MCF2L: variants seen among roughly 807,000 people sequenced by gnomAD.
MCF2L encodes MCF.2 cell line derived transforming sequence like, also known as guanine nucleotide exchange factor DBS.
In MCF2L, 97 loss-of-function variants were observed where a neutral mutation model predicts 153.4. The observed-to-expected ratio is 0.63, with a 90% CI of 0.54 to 0.75. MCF2L has a LOEUF of 0.75. MCF2L is among the 30% of genes least tolerant of loss of function. MCF2L has a pLI of 0.00. For missense variants in MCF2L, 1,347 were observed against 1,495.2 expected, an observed-to-expected ratio of 0.90 and a Z score of 1.64; for synonymous variants, 659 against 632.2, an observed-to-expected ratio of 1.04 and a Z score of -0.64.
In MCF2L at chr13:112,983,234, A is replaced by C. The variant is rs2082504685; in HGVS notation, c.79+13776A>C. 6.6e-6 allele frequency among the ~76,000 whole-genome samples: 1 copy of C among 152,046 alleles called. No homozygotes were observed. The highest frequency in any genetic ancestry group is 1.9e-4 in the East Asian group (1 of 5,184). On this transcript the variant is annotated intron_variant, in intron 1 of 29. Coordinates refer to ENST00000535094, the MANE Select transcript of MCF2L (RefSeq NM_001112732.3). The surrounding 1 kb of genome is among the most constrained non-coding windows in gnomAD (Gnocchi z 4.0). ...GCAGGTTCATGGCAGCTGGGTAGGG[A>C]CGGGAAGCTCCAGTAAGATTCACCA...
chr13:113,053,078 G>A lies in MCF2L; in HGVS notation c.370-7515G>A, dbSNP rs1225835841. 3.3e-5 allele frequency among the ~76,000 whole-genome samples: 5 copies of A among 152,072 alleles called. No individual in the cohort carries two copies. Among genetic ancestry groups the A allele is most frequent in the Non-Finnish European group, 5.9e-5 (4 of 68,010 alleles). On this transcript the variant is annotated intron_variant, in intron 4 of 29. Coordinates refer to ENST00000535094, the MANE Select transcript of MCF2L (RefSeq NM_001112732.3). The surrounding 1 kb of genome is among the most constrained non-coding windows in gnomAD (Gnocchi z 4.4). ...GCTGGTGAGAGCCGGCTCTGCCATC[G>A]TGTCAGTTCATCCCGGATTGCTGAC...
chr13:112,979,786 G>A, intron 1 of MCF2L: 1 of 1,595,434 alleles, frequency 6.3e-7, no homozygotes, highest in Non-Finnish European at 8.5e-7. Flanking sequence ...CGCAGGGCAT[G>A]GGGGCAGGTG....
At chr13:113,030,802 G>C (rs1401602767) in intron 3 of MCF2L, among the ~76,000 whole-genome samples, 1 of 152,232 alleles carries the variant, frequency 6.6e-6, no homozygotes, top group Non-Finnish European at 1.5e-5. Context: ...GCAGATTCCA[G>C]ACCCTGTATG....
intron 1 of MCF2L, among the ~76,000 whole-genome samples, chr13:112,974,271 CTA>C (rs1179852883): frequency 6.6e-6 from 1 of 152,182 alleles, no homozygotes; most frequent in African/African-American, 2.4e-5. Context: ...CCGGGCATGG[CTA>C]ACCTCTGAGT....
At chr13:112,895,704 A>G (rs1364682606) in intron 1 of MCF2L, among the ~76,000 whole-genome samples, 3 of 152,068 alleles carry the variant, frequency 2.0e-5, no homozygotes, top group African/African-American at 7.2e-5. Context: ...GGGCAAGCTG[A>G]CAGCTAGGTG....
At chr13:112,926,551 GCT>G (rs1033289128) in intron 2 of MCF2L, among the ~76,000 whole-genome samples, 4 of 144,120 alleles carry the variant, frequency 2.8e-5, no homozygotes, top group Non-Finnish European at 6.2e-5. Flanking sequence ...ACAGGGGGGT[GCT>G]GTGCCACCTG....
intron 2 of MCF2L, among the ~76,000 whole-genome samples, chr13:112,913,912 G>A (rs1405137183): frequency 2.0e-5 from 3 of 152,148 alleles, no homozygotes; most frequent in Non-Finnish European, 2.9e-5. Flanking sequence ...ACAGGCAGAC[G>A]TTGGGACTAT....
intron 1 of MCF2L, chr13:112,979,601 T>A (rs2082330545): frequency 6.2e-7 from 1 of 1,604,610 alleles, no homozygotes; most frequent in Non-Finnish European, 8.5e-7. Context: ...GGGGGTCGCC[T>A]GTGGTCCCTG....
At chr13:113,011,900 C>T (rs1483772104) in intron 1 of MCF2L, among the ~76,000 whole-genome samples, 3 of 111,096 alleles carry the variant, frequency 2.7e-5, no homozygotes, top group South Asian at 8.6e-4. Flanking sequence ...GCGGTGTGGA[C>T]GGTGGACACT....
rs533815656 is a variant in MCF2L, at chr13:113,076,915, C to A, written c.1501-137C>A. ...TAGTGGCCAGGGCTGGACACAGCTG[C>A]GCTGCGCTGACAGACCCCGCATGGA... On this transcript the variant is annotated intron_variant, in intron 12 of 29. Transcript: ENST00000535094. 3 of 962,176 alleles carry A rather than the reference C, an allele frequency of 3.1e-6. No homozygotes were observed. The East Asian group carries it at 8.0e-5, about 26-fold the overall frequency. 59.6% of individuals were successfully genotyped at this position (962,176 alleles called of 1,614,324 possible).
chr13:112,982,029 G>A (rs1213660056), intron 1 of MCF2L, among the ~76,000 whole-genome samples: 1 of 152,218 alleles, frequency 6.6e-6, no homozygotes, highest in Non-Finnish European at 1.5e-5. Flanking sequence ...TGGACCTGAA[G>A]GTTGTGGGAA....
At chr13:112,915,791 G>C (rs1476431396) in intron 2 of MCF2L, among the ~76,000 whole-genome samples, 1 of 152,134 alleles carries the variant, frequency 6.6e-6, no homozygotes, top group Admixed American at 6.5e-5. Context: ...TAGTAGTAGT[G>C]ATGTTCAGGT....
At chr13:112,918,990 G>T (rs114977586) in intron 2 of MCF2L, among the ~76,000 whole-genome samples, 1 of 152,078 alleles carries the variant, frequency 6.6e-6, no homozygotes, top group African/African-American at 2.4e-5. Flanking sequence ...TGGCAGAGGC[G>T]CTGTTGAAAG....
chr13:112,939,474 C>A (rs2081553891), intron 2 of MCF2L, among the ~76,000 whole-genome samples: 2 of 152,206 alleles, frequency 1.3e-5, no homozygotes, highest in South Asian at 4.1e-4. Flanking sequence ...GGTTATCAAC[C>A]TCTGGTCTCT....
At chr13:113,021,066 ATATAGGTGTGTATG>A (rs1566747970) in intron 2 of MCF2L, among the ~76,000 whole-genome samples, 1 of 151,880 alleles carries the variant, frequency 6.6e-6, no homozygotes, top group Non-Finnish European at 1.5e-5. Context: ...ATGTGTGTAT[ATATAGGTGTGTATG>A]TTTGTACATA....
intron 2 of MCF2L, among the ~76,000 whole-genome samples, chr13:112,919,755 G>C (rs576349675): frequency 1.3e-5 from 2 of 152,168 alleles, no homozygotes; most frequent in African/African-American, 4.8e-5. Flanking sequence ...TTACACTCTT[G>C]ATAACAGTAT....
intron 3 of MCF2L, among the ~76,000 whole-genome samples, chr13:113,032,158 A>G (rs1242323125): frequency 6.6e-6 from 1 of 152,062 alleles, no homozygotes; most frequent in Non-Finnish European, 1.5e-5. Flanking sequence ...CCTGGAGCCA[A>G]CTCGGTTTGT....
Position 113,053,225 on chromosome 13 carries a change from G to A in MCF2L, c.370-7368G>A, listed in dbSNP as rs932046865. ...CCACGTGCCCCGTCATGTCCTTCCTGTATTTGTTAAAATCCAGGTCCAGTG... is the reference window on the plus strand; with the variant it reads ...CCACGTGCCCCGTCATGTCCTTCCTATATTTGTTAAAATCCAGGTCCAGTG... On this transcript the variant is annotated intron_variant, in intron 4 of 29. Transcript: ENST00000535094. This position sits in a 1 kb window ranked among gnomAD's most constrained non-coding sequence, Gnocchi z 4.4. Among the ~76,000 whole-genome samples the A allele has an allele frequency of 3.9e-5, 6 of 152,196 alleles. No homozygotes were observed. Among genetic ancestry groups the A allele is most frequent in the Non-Finnish European group, 8.8e-5 (6 of 68,038 alleles).
rs140089556 is a variant in MCF2L at position 113,090,956 on chromosome 13, C to G, written c.2953+1228C>G. 1.2e-4 allele frequency: 150 copies of G among 1,211,274 alleles called. No homozygotes were observed. The East Asian group carries it at 8.3e-3, about 67-fold the overall frequency. 75.0% of individuals were successfully genotyped at this position (1,211,274 alleles called of 1,614,324 possible). A position where few individuals can be genotyped will look rare whatever the true frequency, so the allele number is the denominator to read the frequency against. On this transcript the variant is annotated intron_variant, in intron 26 of 29. Coordinates refer to ENST00000535094, the MANE Select transcript of MCF2L (RefSeq NM_001112732.3). ...GCCCCTCCTTCACTGCGCGGCCCCT[C>G]GGCTCCCTGTGTTTTGCTCACAGAA... is the stretch of plus-strand genomic sequence containing the variant.
Sources: allele counts gnomAD v4.1 joint callset (sites outside exome capture counted in the v4.1 genomes callset), GRCh38; gene constraint gnomAD v4.1.1; non-coding constraint Gnocchi (gnomAD v3.1); transcripts MANE v1.5; gene names NCBI Gene and HGNC (gene_info 2026-07-23, HGNC 2026-07-21).